The following TENM4 variants were observed in gnomAD, a reference collection of about 807,000 sequenced individuals.
The protein encoded by TENM4 is teneurin transmembrane protein 4.
In TENM4, 82 loss-of-function variants were observed where a neutral mutation model predicts 243.3. The ratio of observed to expected loss-of-function variants is 0.34; its 90% confidence interval spans 0.28 to 0.40. The LOEUF (loss-of-function observed/expected upper bound fraction) is 0.40. Among genes scored for constraint, TENM4 ranks in the 10% least tolerant of loss-of-function variants. TENM4 has a pLI of 1.00. For missense variants in TENM4, 3,138 were observed against 3,673.3 expected (o/e 0.85, Z 3.77); for synonymous variants, 1,412 against 1,456.3 (o/e 0.97, Z 0.69).
chr11:78,670,557 G>A lies in TENM4; in HGVS notation c.5794-6C>T. On this transcript the variant is annotated splice_region_variant and splice_polypyrimidine_tract_variant and intron_variant, in intron 31 of 33. Transcript: ENST00000278550. ...TGTAGTAGCAGCACCATGGACTGGA[G>A]GGAGAGGAAAACCAAGAGATGAGAG... 1 of 1,593,000 alleles carries A rather than the reference G, an allele frequency of 6.3e-7. No homozygotes were observed. The highest frequency in any genetic ancestry group is 1.7e-5 in the Admixed American group (1 of 58,858).
intron 12 of TENM4, among the ~76,000 whole-genome samples, chr11:78,842,396 C>T (rs1858280148): frequency 6.6e-6 from 1 of 152,234 alleles, no homozygotes; most frequent in Non-Finnish European, 1.5e-5. Flanking sequence ...TCTAATCCCA[C>T]TGGCTAAAGA....
chr11:79,177,835 A>G (rs1202520124), intron 3 of TENM4, among the ~76,000 whole-genome samples: 5 of 152,178 alleles, frequency 3.3e-5, no homozygotes, highest in Non-Finnish European at 4.4e-5. Context: ...GGAGCACAGC[A>G]TCAGGGTGGG....
At chr11:79,180,848 T>C (rs572816204) in intron 3 of TENM4, among the ~76,000 whole-genome samples, 1 of 151,270 alleles carries the variant, frequency 6.6e-6, no homozygotes, top group East Asian at 1.9e-4. Context: ...ATTATCTGAA[T>C]AGTCATATAT....
intron 6 of TENM4, among the ~76,000 whole-genome samples, chr11:78,967,884 T>C (rs1316429935): frequency 6.6e-6 from 1 of 152,204 alleles, no homozygotes. Flanking sequence ...CTCTGGCTTA[T>C]AGGAGATGAA....
At position 78,657,643 on chromosome 11, in the gene TENM4, C is replaced by T. The variant is rs982682922; in HGVS notation, c.*415G>A. 2.8e-6 allele frequency: 1 copy of T among 355,596 alleles called. No individual in the cohort carries two copies. The highest frequency in any genetic ancestry group is 4.3e-5 in the Admixed American group (1 of 23,054). The allele number at this position is 355,596 out of a possible 1,614,324, so 22.0% of individuals were successfully genotyped here. On this transcript the variant is annotated 3_prime_UTR_variant, in exon 34 of 34. Transcript: ENST00000278550. ...CCCTTTACTCCTGCCCGACCCCAGTCGAAGAAGAAAGGGTTGCACATGAGA... is the reference window on the plus strand; with the variant it reads ...CCCTTTACTCCTGCCCGACCCCAGTTGAAGAAGAAAGGGTTGCACATGAGA...
chr11:78,743,103 C>T (rs1271129899), intron 19 of TENM4, among the ~76,000 whole-genome samples: 2 of 152,198 alleles, frequency 1.3e-5, no homozygotes, highest in African/African-American at 4.8e-5. Context: ...AGCCCTACTG[C>T]ACGTGGCTTC....
chr11:79,255,906 T>C (rs1855693598), intron 2 of TENM4, among the ~76,000 whole-genome samples: 2 of 152,196 alleles, frequency 1.3e-5, no homozygotes, highest in Non-Finnish European at 2.9e-5. Context: ...AGAGCAGAGC[T>C]GGGCTGGACA....
At chr11:79,180,087 T>C (rs1166262041) in intron 3 of TENM4, among the ~76,000 whole-genome samples, 1 of 151,706 alleles carries the variant, frequency 6.6e-6, no homozygotes, top group Non-Finnish European at 1.5e-5. Flanking sequence ...ATGTTTTAGG[T>C]ACAGGCTTAA....
chr11:79,030,189 G>C (rs770822088), intron 6 of TENM4, among the ~76,000 whole-genome samples: 9 of 152,166 alleles, frequency 5.9e-5, no homozygotes, highest in Non-Finnish European at 1.3e-4. Context: ...CATGTACCAG[G>C]TACTGTGCTA....
At chr11:78,968,233 A>G (rs1857475603) in intron 6 of TENM4, among the ~76,000 whole-genome samples, 1 of 152,212 alleles carries the variant, frequency 6.6e-6, no homozygotes, top group Non-Finnish European at 1.5e-5. Context: ...CCAGAAGCAG[A>G]GCAGTTGCTG....
intron 5 of TENM4, among the ~76,000 whole-genome samples, chr11:79,067,701 C>A (rs1860298959): frequency 6.6e-6 from 1 of 151,074 alleles, no homozygotes; most frequent in African/African-American, 2.4e-5. Flanking sequence ...AGCCAGTCAG[C>A]TCCTCTGATG....
intron 9 of TENM4, among the ~76,000 whole-genome samples, chr11:78,882,406 A>C (rs56845210): frequency 0.021 from 3,182 of 152,312 alleles, 76 homozygotes; most frequent in African/African-American, 0.06. Flanking sequence ...TACCCTTGGC[A>C]GACTTAACCA....
At chr11:78,836,915 C>G (rs540683631) in intron 12 of TENM4, among the ~76,000 whole-genome samples, 1 of 152,318 alleles carries the variant, frequency 6.6e-6, no homozygotes, top group African/African-American at 2.4e-5. Flanking sequence ...AAAACATACA[C>G]GTGCCCATGT....
intron 1 of TENM4, among the ~76,000 whole-genome samples, chr11:79,329,791 G>A (rs1454698520): frequency 6.6e-6 from 1 of 152,240 alleles, no homozygotes; most frequent in East Asian, 1.9e-4. Context: ...GGTAGAGTAG[G>A]CTGTGCAGGT....
intron 6 of TENM4, among the ~76,000 whole-genome samples, chr11:79,006,179 T>C (rs898491164): frequency 9.9e-5 from 15 of 152,136 alleles, no homozygotes; most frequent in African/African-American, 3.4e-4. Context: ...TCCTCACCAC[T>C]TCTCTTTTCC....
intron 4 of TENM4, among the ~76,000 whole-genome samples, chr11:79,106,629 T>A (rs1861376564): frequency 6.6e-6 from 1 of 152,164 alleles, no homozygotes; most frequent in Admixed American, 6.5e-5. Flanking sequence ...ACTCAGGGCT[T>A]AGGGTTGGAT....
chr11:79,229,807 G>C (rs1864341317), intron 2 of TENM4, among the ~76,000 whole-genome samples: 1 of 152,044 alleles, frequency 6.6e-6, no homozygotes, highest in Admixed American at 6.6e-5. Context: ...ATGAATGAGT[G>C]ATACTGCTGG....
chr11:79,212,093 G>A (rs149264512), intron 3 of TENM4, among the ~76,000 whole-genome samples: 2 of 152,180 alleles, frequency 1.3e-5, no homozygotes, highest in African/African-American at 4.8e-5. Flanking sequence ...TCTGTGCCTT[G>A]GTAGCCATAA....
At chr11:78,746,497 T>C (rs562637930) in intron 19 of TENM4, among the ~76,000 whole-genome samples, 17 of 152,382 alleles carry the variant, frequency 1.1e-4, no homozygotes, top group Non-Finnish European at 2.1e-4. Flanking sequence ...ATGCTGATGC[T>C]TCAGGCTGAG....
Sources: gnomAD v4.1 joint callset for allele counts (sites outside exome capture counted in the v4.1 genomes callset) on GRCh38, gnomAD v4.1.1 for gene constraint, MANE v1.5 for transcripts, NCBI Gene and HGNC (gene_info 2026-07-23, HGNC 2026-07-21) for gene names.